The following DLGAP4 variants were observed in gnomAD, a reference collection of about 807,000 sequenced individuals.
The protein encoded by DLGAP4 is DLG associated protein 4.
A neutral mutation model predicts 86.9 loss-of-function variants in DLGAP4; 18 were observed. That is an observed-to-expected ratio of 0.21 (90% CI 0.14 to 0.31). The LOEUF is 0.31. DLGAP4 is among the 10% of genes least tolerant of loss of function. The pLI is 1.00. For synonymous variants in DLGAP4, 548 were observed against 574.3 expected (o/e 0.95, Z 0.65); for missense variants, 1,085 against 1,362.6 (o/e 0.80, Z 3.21).
chr20:36,436,124 G>T lies in DLGAP4; in HGVS notation c.1015G>T (p.Gly339Cys). The T allele has an allele frequency of 1.3e-6, 2 of 1,574,432 alleles. No homozygotes were observed. The highest frequency in any genetic ancestry group is 8.6e-7 in the Non-Finnish European group (1 of 1,166,838). The change falls in exon 4 of 13, where the codon GGC becomes TGC. Residue 339 changes from glycine (G) to cysteine (C), a missense_variant. By Grantham distance (159) the Gly-to-Cys change is radical (BLOSUM62 -3). Around this residue, in one of 2 missense-constraint regions of DLGAP4, gnomAD observed 1,082 missense variants for 1,344.1 expected, o/e 0.81. Coordinates refer to ENST00000339266, the MANE Select transcript of DLGAP4 (RefSeq NM_001365621.2). ...CCATCCCCAGGTGCCCGGCGGCGGCGGCGAGTGGAGCACCACGCTGCTGTC... is the reference window on the plus strand; with the variant it reads ...CCATCCCCAGGTGCCCGGCGGCGGCTGCGAGTGGAGCACCACGCTGCTGTC... The part of the protein sequence containing the change: ...YHYLQVPGGG[G>C]EWSTTLLSPR...
At chr20:36,508,419 GTTCT>G (rs1195037915) in intron 10 of DLGAP4, 2 of 134,604 alleles carry the variant, frequency 1.5e-5, no homozygotes, top group African/African-American at 6.0e-5. Context: ...ATGTTTCAGG[GTTCT>G]TTTTTTTTTT....
At chr20:36,310,334 G>T (rs1224379850) in intron 1 of DLGAP4, among the ~76,000 whole-genome samples, 1 of 152,196 alleles carries the variant, frequency 6.6e-6, no homozygotes. Flanking sequence ...CTAAGAGGAG[G>T]TGGCCACTCC....
At chr20:36,468,688 A>G (rs923764342) in intron 7 of DLGAP4, among the ~76,000 whole-genome samples, 1 of 152,136 alleles carries the variant, frequency 6.6e-6, no homozygotes, top group Non-Finnish European at 1.5e-5. Context: ...TTTGGCAGAT[A>G]CTCTGAGCCC....
intron 1 of DLGAP4, among the ~76,000 whole-genome samples, chr20:36,342,586 G>A (rs143616072): frequency 1.3e-3 from 203 of 152,318 alleles, no homozygotes; most frequent in African/African-American, 4.5e-3. Flanking sequence ...ATTGGGGCCC[G>A]CAGGGAGCAA....
chr20:36,440,098 T>C (rs1179628334), intron 5 of DLGAP4, among the ~76,000 whole-genome samples: 3 of 152,166 alleles, frequency 2.0e-5, no homozygotes. Context: ...ACACCACCAC[T>C]GTAAACACAG....
intron 4 of DLGAP4, 68 bp downstream of exon 4, chr20:36,436,418 C>G: frequency 6.8e-7 from 1 of 1,475,514 alleles, no homozygotes; most frequent in Non-Finnish European, 8.9e-7. Flanking sequence ...AGTCTTGCTC[C>G]CTGGGAGGAG....
chr20:36,446,874 T>A lies in DLGAP4; in HGVS notation c.1585T>A (p.Ser529Thr). The change falls in exon 7 of 13, where the codon TCC becomes ACC. Residue 529 changes from serine (S) to threonine (T), a missense_variant. Coordinates refer to ENST00000339266, the MANE Select transcript of DLGAP4 (RefSeq NM_001365621.2). ...AGCSQEEDSV[S>T]LQSLSPPPST... Reference sequence around the variant, plus strand: ...CTGCTCGCAGGAGGAGGACAGTGTCTCCCTGCAGTCCCTCTCCCCACCGCC... The same window carrying A: ...CTGCTCGCAGGAGGAGGACAGTGTCACCCTGCAGTCCCTCTCCCCACCGCC... 3 of 1,613,270 alleles carry A rather than the reference T, an allele frequency of 1.9e-6. No homozygotes were observed. The highest frequency in any genetic ancestry group is 2.5e-6 in the Non-Finnish European group (3 of 1,179,912).
intron 1 of DLGAP4, among the ~76,000 whole-genome samples, chr20:36,324,353 G>A (rs918502460): frequency 6.6e-6 from 1 of 152,094 alleles, no homozygotes; most frequent in African/African-American, 2.4e-5. Context: ...CTTGAACCCG[G>A]GAGGCAGAGG....
intron 7 of DLGAP4, among the ~76,000 whole-genome samples, chr20:36,469,086 G>T (rs568424181): frequency 6.6e-6 from 1 of 152,256 alleles, no homozygotes; most frequent in South Asian, 2.1e-4. Context: ...TTGTTTTTCA[G>T]AAGAGGAAAC....
intron 7 of DLGAP4, among the ~76,000 whole-genome samples, chr20:36,460,469 T>C (rs758299113): frequency 3.9e-5 from 6 of 152,246 alleles, no homozygotes; most frequent in Non-Finnish European, 8.8e-5. Flanking sequence ...ACAGTGGTAT[T>C]GGAAACACTA....
At chr20:36,359,736 G>A (rs1241920440) in intron 1 of DLGAP4, among the ~76,000 whole-genome samples, 1 of 152,182 alleles carries the variant, frequency 6.6e-6, no homozygotes, top group East Asian at 1.9e-4. Flanking sequence ...CTAGAGCTGT[G>A]AGAGACTGCA....
rs1288775031 is a variant in DLGAP4 at position 36,308,198 on chromosome 20, AGC to A, written c.-304+1689_-304+1690del. On this transcript the variant is annotated intron_variant, in intron 1 of 12. Coordinates refer to ENST00000339266, the MANE Select transcript of DLGAP4 (RefSeq NM_001365621.2). This position sits in a 1 kb window ranked among gnomAD's most constrained non-coding sequence, Gnocchi z 4.5. ...TCCTGTGTCCTCCAGGAGCTGGGACAGCGCAACTCAACTTCTGGGAGTGTGCC... is the reference window on the plus strand; with the variant it reads ...TCCTGTGTCCTCCAGGAGCTGGGACAGCAACTCAACTTCTGGGAGTGTGCC... 6.6e-6 allele frequency among the ~76,000 whole-genome samples: 1 copy of A among 152,214 alleles called. No homozygotes were observed. Among genetic ancestry groups the A allele is most frequent in the Non-Finnish European group, 1.5e-5 (1 of 68,036 alleles).
intron 7 of DLGAP4, among the ~76,000 whole-genome samples, chr20:36,471,425 C>G (rs1446181370): frequency 2.0e-5 from 3 of 152,084 alleles, no homozygotes; most frequent in Non-Finnish European, 4.4e-5. Flanking sequence ...ACCTGGGAGG[C>G]GGAGGTTGCA....
intron 7 of DLGAP4, among the ~76,000 whole-genome samples, chr20:36,471,442 C>T (rs6021310): frequency 5.8e-4 from 88 of 152,098 alleles, no homozygotes; most frequent in African/African-American, 2.1e-3. Context: ...TGCAGTGAGC[C>T]GAGATTGCAC....
At chr20:36,460,937 A>G (rs1039134068) in intron 7 of DLGAP4, among the ~76,000 whole-genome samples, 2 of 152,254 alleles carry the variant, frequency 1.3e-5, no homozygotes, top group African/African-American at 2.4e-5. Flanking sequence ...ACTCTGGGTT[A>G]GCAAAGCAAA....
intron 7 of DLGAP4, among the ~76,000 whole-genome samples, chr20:36,466,630 G>A (rs1242671316): frequency 6.6e-6 from 1 of 152,224 alleles, no homozygotes; most frequent in Non-Finnish European, 1.5e-5. Flanking sequence ...TGTGTTAACA[G>A]ACAGACCCAC....
At chr20:36,402,696 A>G (rs2032197191) in intron 2 of DLGAP4, among the ~76,000 whole-genome samples, 1 of 152,152 alleles carries the variant, frequency 6.6e-6, no homozygotes, top group Admixed American at 6.5e-5. Flanking sequence ...TGTAGTGGCT[A>G]TGATCACAAA....
intron 7 of DLGAP4, among the ~76,000 whole-genome samples, chr20:36,487,384 G>A (rs975903828): frequency 6.6e-6 from 1 of 152,194 alleles, no homozygotes; most frequent in East Asian, 1.9e-4. Context: ...GGCCAGTCTG[G>A]AGGGACTTCA....
rs2033161121 is a variant in DLGAP4, at chr20:36,432,637, A to C, written c.920A>C (p.Gln307Pro). The change falls in exon 3 of 13, where the codon CAG becomes CCG. Residue 307 changes from glutamine (Q) to proline (P), a missense_variant. By Grantham distance (76) the Gln-to-Pro change is moderately conservative. Coordinates refer to ENST00000339266, the MANE Select transcript of DLGAP4 (RefSeq NM_001365621.2). The surrounding 1 kb of genome is among the most constrained non-coding windows in gnomAD (Gnocchi z 6.5). The stretch of plus-strand genomic sequence containing the variant: ...CTCAGCCACGCCCACGAGGTCTGCC[A>C]GAAGACCTCAGCCACCTTGGATAAG... The part of the protein sequence containing the change: ...LTLSHAHEVC[Q>P]KTSATLDKSL... 1 of 1,612,792 alleles carries C rather than the reference A, an allele frequency of 6.2e-7. No individual in the cohort carries two copies. The highest frequency in any genetic ancestry group is 1.3e-5 in the African/African-American group (1 of 74,990).
Sources: allele counts gnomAD v4.1 joint callset (sites outside exome capture counted in the v4.1 genomes callset), GRCh38; gene constraint gnomAD v4.1.1; regional missense constraint gnomAD v4.1.1; non-coding constraint Gnocchi (gnomAD v3.1); transcripts MANE v1.5; gene names NCBI Gene and HGNC (gene_info 2026-07-23, HGNC 2026-07-21).